The following SDK1 variants were observed in gnomAD, a reference collection of about 807,000 sequenced individuals.
The protein encoded by SDK1 is sidekick cell adhesion molecule 1, also known as protein sidekick-1.
Under a neutral mutation model 245.5 loss-of-function variants are expected in SDK1, and 157 were observed. The ratio of observed to expected loss-of-function variants is 0.64; its 90% confidence interval spans 0.56 to 0.73. The LOEUF (loss-of-function observed/expected upper bound fraction) is 0.73, where lower values mean the gene tolerates loss of function less well. Ranked by LOEUF, SDK1 falls within the 30% of genes least tolerant of loss-of-function variation. SDK1 has a pLI of 0.00. For missense variants in SDK1, 3,583 were observed against 3,002.3 expected (o/e 1.19, Z -4.52); for synonymous variants, 1,647 against 1,278.5 (o/e 1.29, Z -6.15).
At chr7:3,905,094 C>G (rs1335236002) in intron 5 of SDK1, among the ~76,000 whole-genome samples, 1 of 151,550 alleles carries the variant, frequency 6.6e-6, no homozygotes, top group East Asian at 1.9e-4. Flanking sequence ...AAAATACAAT[C>G]ATTTTTAAAG....
intron 1 of SDK1, among the ~76,000 whole-genome samples, chr7:3,484,491 G>A (rs2128603142): frequency 1.3e-5 from 2 of 152,266 alleles, no homozygotes; most frequent in Middle Eastern, 6.8e-3. Flanking sequence ...AGTTTGGTTG[G>A]AAAAATATCC....
rs1246186387 is a variant in SDK1 at position 3,301,346 on chromosome 7, G to A, written c.-241G>A. ...GAGCTAGCGCGGCGGGCTCGGGACT[G>A]CGTGAGCGCCGGACGCGAATTTCCC... On this transcript the variant is annotated 5_prime_UTR_variant, in exon 1 of 45. Transcript: ENST00000404826. 2.7e-5 allele frequency: 4 copies of A among 147,494 alleles called. No individual in the cohort carries two copies. The East Asian group carries it at 6.0e-4, about 22-fold the overall frequency. 9.1% of individuals were successfully genotyped at this position (147,494 alleles called of 1,614,324 possible). A position where few individuals can be genotyped will look rare whatever the true frequency, so the allele number is the denominator to read the frequency against.
chr7:3,744,628 G>A (rs1201771665), intron 4 of SDK1, among the ~76,000 whole-genome samples: 3 of 152,032 alleles, frequency 2.0e-5, no homozygotes, highest in Non-Finnish European at 1.5e-5. Context: ...TGGCTAACAC[G>A]ATGAAACCCC....
intron 5 of SDK1, among the ~76,000 whole-genome samples, chr7:3,920,642 G>T (rs567046152): frequency 1.3e-5 from 2 of 152,146 alleles, no homozygotes; most frequent in African/African-American, 4.8e-5. Context: ...GAGGCAAGGC[G>T]GCACTTAAAC....
intron 4 of SDK1, among the ~76,000 whole-genome samples, chr7:3,650,914 G>T (rs1452935936): frequency 1.3e-5 from 2 of 150,980 alleles, no homozygotes; most frequent in Non-Finnish European, 2.9e-5. Flanking sequence ...TTGTTGTCTA[G>T]TGTTTCTTGG....
intron 5 of SDK1, among the ~76,000 whole-genome samples, chr7:3,877,917 A>G (rs1017173741): frequency 1.3e-5 from 2 of 152,240 alleles, no homozygotes; most frequent in Admixed American, 6.5e-5. Context: ...TGCCTTACAC[A>G]TAAGTCTTTT....
intron 4 of SDK1, among the ~76,000 whole-genome samples, chr7:3,658,443 A>AGT (rs1004814246): frequency 9.2e-5 from 14 of 151,918 alleles, no homozygotes; most frequent in African/African-American, 3.1e-4. Context: ...CATTCTGCTG[A>AGT]GTGGGATACA....
chr7:3,330,469 C>G (rs1780039497), intron 1 of SDK1, among the ~76,000 whole-genome samples: 1 of 152,120 alleles, frequency 6.6e-6, no homozygotes, highest in South Asian at 2.1e-4. Context: ...AGATAAAGGT[C>G]ATCAGGGTGA....
intron 1 of SDK1, among the ~76,000 whole-genome samples, chr7:3,392,823 C>T (rs1242139336): frequency 2.6e-5 from 4 of 151,874 alleles, no homozygotes; most frequent in African/African-American, 9.7e-5. Context: ...AATAATATTC[C>T]AGTGTATGCG....
chr7:4,012,160 A>T lies in SDK1; in HGVS notation c.2345A>T (p.Asn782Ile). 6.3e-7 allele frequency: 1 copy of T among 1,581,118 alleles called. No individual in the cohort carries two copies. Among genetic ancestry groups the T allele is most frequent in the Non-Finnish European group, 8.6e-7 (1 of 1,163,842 alleles). The change falls in exon 16 of 45, where the codon AAT becomes ATT. Residue 782 changes from asparagine to isoleucine, a missense_variant. Physicochemically the swap from Asn to Ile is moderately radical, Grantham distance 149 (BLOSUM62 -3). Coordinates refer to ENST00000404826, the MANE Select transcript of SDK1 (RefSeq NM_152744.4). The stretch of plus-strand genomic sequence containing the variant: ...AATATAGTGGCCAGTGGGCGGACTA[A>T]TCAGTCCATTATGGTCCAGTGGCAG... ...PKNIVASGRT[N>I]QSIMVQWQPP... is the part of the protein sequence containing the mutation.
At chr7:4,231,627 AGAGG>A (rs751653888) in intron 40 of SDK1, among the ~76,000 whole-genome samples, 1 of 142,744 alleles carries the variant, frequency 7.0e-6, no homozygotes, top group Non-Finnish European at 1.5e-5. Context: ...AAGCAATCAG[AGAGG>A]GAGGGAGGGA....
At chr7:3,601,070 T>C (rs1221505931) in intron 1 of SDK1, among the ~76,000 whole-genome samples, 1 of 152,310 alleles carries the variant, frequency 6.6e-6, no homozygotes, top group East Asian at 1.9e-4. Context: ...ACCTAGAAGA[T>C]ACTCTACTTA....
chr7:3,951,268 T>TG (rs1360902013), intron 6 of SDK1, among the ~76,000 whole-genome samples: 1 of 151,780 alleles, frequency 6.6e-6, no homozygotes, highest in East Asian at 1.9e-4. Flanking sequence ...TGGGTGGTAG[T>TG]GGGGGGCTCC....
Position 4,266,796 on chromosome 7 carries a change from C to T in SDK1, c.*1412C>T, listed in dbSNP as rs977127152. On this transcript the variant is annotated 3_prime_UTR_variant, in exon 45 of 45. Coordinates refer to ENST00000404826, the MANE Select transcript of SDK1 (RefSeq NM_152744.4). ...CTGGTGCCCACTGGCGTGTGTGCCCCGGGTCCCTGTAAGTGCCCCCTCACC... is the reference window on the plus strand; with the variant it reads ...CTGGTGCCCACTGGCGTGTGTGCCCTGGGTCCCTGTAAGTGCCCCCTCACC... 76 of 985,366 alleles carry T rather than the reference C, an allele frequency of 7.7e-5. No individual in the cohort carries two copies. The highest frequency in any genetic ancestry group is 8.9e-5 in the Non-Finnish European group (74 of 830,012). 61.0% of individuals were successfully genotyped at this position (985,366 alleles called of 1,614,324 possible). A position where few individuals can be genotyped will look rare whatever the true frequency, so the allele number is the denominator to read the frequency against.
chr7:3,601,525 C>T (rs1469410994), intron 1 of SDK1, among the ~76,000 whole-genome samples: 1 of 151,566 alleles, frequency 6.6e-6, no homozygotes, highest in Admixed American at 6.6e-5. Flanking sequence ...TCATAGTATT[C>T]TTTTTTTAAT....
chr7:3,695,172 G>T (rs1454889851), intron 4 of SDK1, among the ~76,000 whole-genome samples: 2 of 152,120 alleles, frequency 1.3e-5, no homozygotes, highest in African/African-American at 4.8e-5. Flanking sequence ...ATTCTTACAA[G>T]ACAGCATGGT....
At chr7:3,353,003 G>C (rs1045081536) in intron 1 of SDK1, among the ~76,000 whole-genome samples, 4 of 151,986 alleles carry the variant, frequency 2.6e-5, no homozygotes, top group South Asian at 2.1e-4. Flanking sequence ...AGACATAAAG[G>C]GTATGTGAAA....
chr7:3,432,660 G>C (rs1026011886), intron 1 of SDK1, among the ~76,000 whole-genome samples: 13 of 152,132 alleles, frequency 8.5e-5, no homozygotes, highest in Non-Finnish European at 1.5e-4. Flanking sequence ...TAGGAACCTA[G>C]GTTTGCTGTC....
At chr7:3,761,964 T>C (rs1328378811) in intron 4 of SDK1, among the ~76,000 whole-genome samples, 3 of 152,220 alleles carry the variant, frequency 2.0e-5, no homozygotes, top group African/African-American at 4.8e-5. Flanking sequence ...GACAAGCCTT[T>C]AGCTGCTAGT....
Sources: allele counts gnomAD v4.1 joint callset (sites outside exome capture counted in the v4.1 genomes callset), GRCh38; gene constraint gnomAD v4.1.1; transcripts MANE v1.5; gene names NCBI Gene and HGNC (gene_info 2026-07-23, HGNC 2026-07-21).